The following FRMD5 variants were observed in gnomAD, a reference collection of about 807,000 sequenced individuals.
FRMD5 encodes the protein FERM domain-containing protein 5.
A neutral mutation model predicts 69.0 loss-of-function variants in FRMD5; 20 were observed. The observed-to-expected ratio is 0.29, with a 90% confidence interval of 0.20 to 0.42. The LOEUF (loss-of-function observed/expected upper bound fraction) is 0.42, where lower values mean the gene tolerates loss of function less well. Among genes scored for constraint, FRMD5 ranks in the 10% least tolerant of loss-of-function variants. FRMD5 has a pLI of 1.00. For missense variants in FRMD5, 595 were observed against 708.6 expected, an observed-to-expected ratio of 0.84 and a Z score of 1.82; for synonymous variants, 271 against 260.1, an observed-to-expected ratio of 1.04 and a Z score of -0.40.
chr15:44,038,708 C>A (rs921755954), intron 1 of FRMD5, among the ~76,000 whole-genome samples: 27 of 151,874 alleles, frequency 1.8e-4, no homozygotes, highest in African/African-American at 6.5e-4. Context: ...AGAGGGCGAG[C>A]TGAAGCAGGG....
At chr15:44,051,714 T>G (rs1040399433) in intron 1 of FRMD5, among the ~76,000 whole-genome samples, 1 of 152,168 alleles carries the variant, frequency 6.6e-6, no homozygotes. Flanking sequence ...TTTTTTATGA[T>G]CTTGACAGTT....
intron 1 of FRMD5, among the ~76,000 whole-genome samples, chr15:43,940,788 G>A (rs1481228227): frequency 6.6e-6 from 1 of 152,182 alleles, no homozygotes; most frequent in Non-Finnish European, 1.5e-5. Flanking sequence ...GCGTGAATGA[G>A]AATTAGGAAT....
intron 13 of FRMD5, chr15:43,875,818 T>TTTTG: frequency 2.6e-6 from 1 of 378,586 alleles, no homozygotes; most frequent in African/African-American, 2.2e-5. Flanking sequence ...TTTTTTTTTT[T>TTTTG]TTTTTTTTTC....
At chr15:43,991,490 C>G (rs1186288329) in intron 1 of FRMD5, among the ~76,000 whole-genome samples, 1 of 152,230 alleles carries the variant, frequency 6.6e-6, no homozygotes, top group Non-Finnish European at 1.5e-5. Context: ...TCAGACAGTA[C>G]TGCTCCAGAG....
At chr15:44,069,082 T>C (rs1005117485) in intron 1 of FRMD5, among the ~76,000 whole-genome samples, 2 of 152,148 alleles carry the variant, frequency 1.3e-5, no homozygotes, top group Non-Finnish European at 2.9e-5. Context: ...TGAAAAGATG[T>C]TCAATAACAT....
chr15:43,893,134 A>G (rs514255), intron 7 of FRMD5, among the ~76,000 whole-genome samples: 1 of 151,538 alleles, frequency 6.6e-6, no homozygotes, highest in Non-Finnish European at 1.5e-5. Flanking sequence ...AAAACAAAAA[A>G]AAAAAAAAAC....
chr15:44,032,855 TGG>T (rs1361191649), intron 1 of FRMD5, among the ~76,000 whole-genome samples: 1 of 152,216 alleles, frequency 6.6e-6, no homozygotes, highest in Non-Finnish European at 1.5e-5. Flanking sequence ...ATCCCATTAC[TGG>T]GTATATACCC....
intron 1 of FRMD5, among the ~76,000 whole-genome samples, chr15:44,125,664 C>G (rs1343853633): frequency 6.6e-6 from 1 of 152,134 alleles, no homozygotes; most frequent in Non-Finnish European, 1.5e-5. Flanking sequence ...AATAAAAACT[C>G]TTATTTCTGA....
At chr15:43,906,793 G>A (rs1189549005) in intron 5 of FRMD5, among the ~76,000 whole-genome samples, 2 of 141,816 alleles carry the variant, frequency 1.4e-5, no homozygotes, top group East Asian at 2.0e-4. Context: ...AGTAGAGACG[G>A]GGTTTCACCG....
intron 1 of FRMD5, among the ~76,000 whole-genome samples, chr15:44,004,837 T>C (rs145372352): frequency 2.6e-5 from 4 of 152,372 alleles, no homozygotes; most frequent in East Asian, 1.9e-4. Context: ...AAAGCTGAGA[T>C]AGACTGAAAG....
At chr15:44,196,093 C>T (rs1001292215), upstream of FRMD5, among the ~76,000 whole-genome samples, 3 of 152,162 alleles carry the variant, frequency 2.0e-5, no homozygotes, top group Non-Finnish European at 4.4e-5. Context: ...AATTTACAGA[C>T]TTCAAGGTTT....
intron 1 of FRMD5, among the ~76,000 whole-genome samples, chr15:43,946,069 AT>A (rs1480214398): frequency 2.0e-5 from 3 of 151,744 alleles, no homozygotes; most frequent in African/African-American, 7.3e-5. Context: ...AAAAAAAAAA[AT>A]TCCCCAAAGT....
chr15:43,976,987 C>T (rs894765944), intron 1 of FRMD5, among the ~76,000 whole-genome samples: 2 of 152,080 alleles, frequency 1.3e-5, no homozygotes, highest in East Asian at 1.9e-4. Context: ...CATGCCACCA[C>T]ACCCAGCTAA....
chr15:43,989,274 G>A (rs1889551204), intron 1 of FRMD5: 2 of 786,986 alleles, frequency 2.5e-6, no homozygotes, highest in Non-Finnish European at 2.3e-6. Context: ...CAGGGTACCT[G>A]GTGGTGCCGC....
At chr15:43,952,258 C>G (rs533118863) in intron 1 of FRMD5, among the ~76,000 whole-genome samples, 2 of 152,136 alleles carry the variant, frequency 1.3e-5, no homozygotes, top group Non-Finnish European at 2.9e-5. Context: ...TACATTCTAT[C>G]AGGGAGCTGG....
At chr15:44,197,688 AAAAAAAAAAAGAAAG>A (rs2078321509), upstream of FRMD5, among the ~76,000 whole-genome samples, 1 of 151,630 alleles carries the variant, frequency 6.6e-6, no homozygotes, top group South Asian at 2.1e-4. Context: ...CAAAAAAAAA[AAAAAAAAAAAGAAAG>A]AAAGGAAAAA....
At chr15:44,126,322 T>C (rs760738033) in intron 1 of FRMD5, among the ~76,000 whole-genome samples, 16 of 152,228 alleles carry the variant, frequency 1.1e-4, no homozygotes, top group African/African-American at 2.9e-4. Context: ...CTACTTTCCA[T>C]AGATTTAACC....
intron 1 of FRMD5, among the ~76,000 whole-genome samples, chr15:44,109,796 T>C (rs2076771934): frequency 6.6e-6 from 1 of 152,220 alleles, no homozygotes; most frequent in Non-Finnish European, 1.5e-5. Flanking sequence ...AAATCCTCTT[T>C]GCTCTACCTA....
At chr15:43,930,023 C>T (rs1354700010) in intron 1 of FRMD5, among the ~76,000 whole-genome samples, 1 of 152,118 alleles carries the variant, frequency 6.6e-6, no homozygotes, top group East Asian at 1.9e-4. Flanking sequence ...GGGTGCAGTC[C>T]CTGCCTCTAT....
Sources: allele counts gnomAD v4.1 joint callset (sites outside exome capture counted in the v4.1 genomes callset), GRCh38; gene constraint gnomAD v4.1.1; transcripts MANE v1.5; gene names NCBI Gene and HGNC (gene_info 2026-07-23, HGNC 2026-07-21).